Variants in PCDHGA6 observed in about 807,000 individuals in gnomAD.
PCDHGA6 encodes the protein protocadherin gamma-A6.
A neutral mutation model predicts 60.6 loss-of-function variants in PCDHGA6; 41 were observed. The ratio of observed to expected loss-of-function variants is 0.68; its 90% CI spans 0.53 to 0.88. The LOEUF (loss-of-function observed/expected upper bound fraction) is 0.88. PCDHGA6 is among the 40% of genes least tolerant of loss of function. PCDHGA6 has a pLI of 0.00. For missense variants in PCDHGA6, 1,312 were observed against 1,203.0 expected, an observed-to-expected ratio of 1.09 and a Z score of -1.34; for synonymous variants, 594 against 524.4, an observed-to-expected ratio of 1.13 and a Z score of -1.81.
intron 1 of PCDHGA6, among the ~76,000 whole-genome samples, chr5:141,451,138 A>T (rs1348825654): frequency 6.6e-6 from 1 of 152,242 alleles, no homozygotes; most frequent in East Asian, 1.9e-4. Flanking sequence ...TTATGATTGT[A>T]TTTAGACTAG....
chr5:141,410,184 A>AT, intron 1 of PCDHGA6: 1 of 1,613,918 alleles, frequency 6.2e-7, no homozygotes, highest in Non-Finnish European at 8.5e-7. Context: ...GCCACGCTTC[A>AT]TCTGGTCTTC....
At chr5:141,441,790 A>G in intron 1 of PCDHGA6, 1 of 391,228 alleles carries the variant, frequency 2.6e-6, no homozygotes, top group South Asian at 2.0e-5. Context: ...CTGAATGACA[A>G]CGCACCGCGG....
chr5:141,386,729 G>A (rs2090690425), intron 1 of PCDHGA6, among the ~76,000 whole-genome samples: 1 of 152,182 alleles, frequency 6.6e-6, no homozygotes, highest in South Asian at 2.1e-4. Context: ...CAATGTTACT[G>A]AGGGAAGATC....
Position 141,487,322 on chromosome 5 carries a change from C to T in PCDHGA6, c.2425-7485C>T, listed in dbSNP as rs760334964. 7.4e-6 allele frequency: 12 copies of T among 1,614,134 alleles called. No homozygotes were observed. Among genetic ancestry groups the T allele is most frequent in the South Asian group, 3.3e-5 (3 of 91,082 alleles). ...CGTGGCACTACTCTCTAAGTGTCTT[C>T]GTGGGGCAGCCTGTGGAGTCACATG... On this transcript the variant is annotated intron_variant, in intron 1 of 3. Coordinates refer to ENST00000517434, the MANE Select transcript of PCDHGA6 (RefSeq NM_018919.3). The surrounding 1 kb of genome is among the most constrained non-coding windows in gnomAD (Gnocchi z 5.0).
chr5:141,508,910 A>T (rs2099872999), intron 3 of PCDHGA6, among the ~76,000 whole-genome samples: 1 of 151,906 alleles, frequency 6.6e-6, no homozygotes, highest in Non-Finnish European at 1.5e-5. Context: ...GCGGTGGCGG[A>T]TCTGGCTTCC....
At chr5:141,455,058 C>G (rs1350223657) in intron 1 of PCDHGA6, among the ~76,000 whole-genome samples, 9 of 151,814 alleles carry the variant, frequency 5.9e-5, no homozygotes, top group Admixed American at 5.9e-4. Context: ...GTGATCCGCC[C>G]GCCTCGGCCT....
chr5:141,511,230 C>A lies in PCDHGA6; in HGVS notation c.*57C>A. On this transcript the variant is annotated 3_prime_UTR_variant, in exon 4 of 4. Transcript: ENST00000517434. ...CCTCTCCCCAACCAGCCCAGCTTCT[C>A]CTTACCTGCACCCAGGCCTCAGAGT... 6.3e-7 allele frequency: 1 copy of A among 1,597,914 alleles called. No homozygotes were observed. The highest frequency in any genetic ancestry group is 1.1e-5 in the South Asian group (1 of 89,144).
intron 1 of PCDHGA6, chr5:141,385,214 A>C: frequency 6.2e-7 from 1 of 1,614,200 alleles, no homozygotes; most frequent in Non-Finnish European, 8.5e-7. Flanking sequence ...ATCTTCCCCC[A>C]GCCCAACTAT....
chr5:141,422,211 CTT>C (rs1339862278), intron 1 of PCDHGA6: 1 of 1,563,166 alleles, frequency 6.4e-7, no homozygotes, highest in African/African-American at 1.4e-5. Context: ...GTGGAGGTCT[CTT>C]TACCACCACG....
intron 1 of PCDHGA6, chr5:141,427,980 G>A (rs1398178738): frequency 6.3e-7 from 1 of 1,596,206 alleles, no homozygotes. Context: ...CCCCGCGCTG[G>A]GGCCCGATGG....
rs377060474 is a variant in PCDHGA6, at chr5:141,487,810, C to A, written c.2425-6997C>A. The A allele has an allele frequency of 7.4e-4, 1,055 of 1,417,844 alleles. 13 individuals carry two copies. In the South Asian group the frequency reaches 0.013, roughly 17 times the overall value. The allele number at this position is 1,417,844 out of a possible 1,614,324, so 87.8% of individuals were successfully genotyped here. A position where few individuals can be genotyped will look rare whatever the true frequency, so the allele number is the denominator to read the frequency against. ...ATTAACCAGAGTTGTCACAGTTTAG[C>A]ATTGGGGGCGGGTCATGCCTATATC... On this transcript the variant is annotated intron_variant, in intron 1 of 3. Transcript: ENST00000517434. The surrounding 1 kb of genome is among the most constrained non-coding windows in gnomAD (Gnocchi z 5.0).
chr5:141,377,955 G>T (rs557013488), intron 1 of PCDHGA6: 12 of 152,140 alleles, frequency 7.9e-5, no homozygotes, highest in African/African-American at 2.9e-4. Flanking sequence ...GTGTATCCAG[G>T]GCAACTTGAA....
At chr5:141,503,745 G>A (rs1377110427) in intron 2 of PCDHGA6, among the ~76,000 whole-genome samples, 3 of 152,220 alleles carry the variant, frequency 2.0e-5, no homozygotes, top group South Asian at 2.1e-4. Flanking sequence ...ATGGTATAGA[G>A]GTCACACATG....
At chr5:141,497,060 G>T (rs1244885752) in intron 2 of PCDHGA6, among the ~76,000 whole-genome samples, 1 of 151,952 alleles carries the variant, frequency 6.6e-6, no homozygotes, top group Non-Finnish European at 1.5e-5. Context: ...GTGGTGGCAG[G>T]CACCTGTAAT....
chr5:141,509,308 C>G (rs943174290), intron 3 of PCDHGA6, among the ~76,000 whole-genome samples: 6 of 152,152 alleles, frequency 3.9e-5, no homozygotes, highest in African/African-American at 1.4e-4. Flanking sequence ...CAGAGGGAGG[C>G]TGGGAGAGAA....
In PCDHGA6 at chr5:141,389,259, G is replaced by T. The variant is rs374136353; in HGVS notation, c.2424+12752G>T. ...CTCACAGTCTTCCTATATAGTCCAC[G>T]TGGCCGAGAACAACCCGCCTGGAGC... On this transcript the variant is annotated intron_variant, in intron 1 of 3. Transcript: ENST00000517434. The T allele has an allele frequency of 1.4e-5, 22 of 1,613,888 alleles. No individual in the cohort carries two copies. The African/African-American group carries it at 2.4e-4, about 18-fold the overall frequency.
intron 1 of PCDHGA6, among the ~76,000 whole-genome samples, chr5:141,483,393 C>T (rs1475344614): frequency 6.6e-6 from 1 of 152,080 alleles, no homozygotes; most frequent in Admixed American, 6.5e-5. Flanking sequence ...TTGATAAATG[C>T]TTGAACCAGC....
intron 1 of PCDHGA6, chr5:141,423,750 TGGGGGG>T: frequency 3.5e-6 from 1 of 287,482 alleles, no homozygotes; most frequent in Non-Finnish European, 4.5e-6. Flanking sequence ...GAAAACTGTT[TGGGGGG>T]GGGGTGGGGC....
At chr5:141,388,486 A>G in intron 1 of PCDHGA6, 1 of 1,613,858 alleles carries the variant, frequency 6.2e-7, no homozygotes, top group Non-Finnish European at 8.5e-7. Context: ...ACACCTTTGG[A>G]CAGAGAAAAG....
Sources: allele counts gnomAD v4.1 joint callset (sites outside exome capture counted in the v4.1 genomes callset), GRCh38; gene constraint gnomAD v4.1.1; non-coding constraint Gnocchi (gnomAD v3.1); transcripts MANE v1.5; gene names NCBI Gene and HGNC (gene_info 2026-07-23, HGNC 2026-07-21).